PDZRN3: variants seen among roughly 807,000 people sequenced by gnomAD.
PDZRN3 encodes E3 ubiquitin-protein ligase PDZRN3.
A neutral mutation model predicts 85.7 loss-of-function variants in PDZRN3; 38 were observed. That is an observed-to-expected ratio of 0.44 (90% CI 0.34 to 0.58). The LOEUF (loss-of-function observed/expected upper bound fraction) is 0.58. PDZRN3 is among the 20% of genes least tolerant of loss of function. The probability of loss-of-function intolerance (pLI) is 0.01; values close to 1 mark genes in which losing one functional copy is unlikely to be tolerated. For missense variants in PDZRN3, 1,629 were observed against 1,506.4 expected (o/e 1.08, Z -1.35); for synonymous variants, 759 against 638.0 (o/e 1.19, Z -2.86).
chr3:73,405,561 C>T (rs1701836299), intron 3 of PDZRN3, among the ~76,000 whole-genome samples: 1 of 152,130 alleles, frequency 6.6e-6, no homozygotes, highest in Non-Finnish European at 1.5e-5. Context: ...GAATCATATT[C>T]CATAGGACAC....
At chr3:73,574,179 G>A (rs1702084200) in intron 3 of PDZRN3, among the ~76,000 whole-genome samples, 2 of 152,158 alleles carry the variant, frequency 1.3e-5, no homozygotes, top group Admixed American at 6.5e-5. Context: ...AGCCTACAAA[G>A]GGAAAAAATG....
At chr3:73,563,804 A>G (rs1701887046) in intron 3 of PDZRN3, among the ~76,000 whole-genome samples, 1 of 152,214 alleles carries the variant, frequency 6.6e-6, no homozygotes, top group Non-Finnish European at 1.5e-5. Context: ...TTATCATTCT[A>G]ATTTTGCAAA....
At chr3:73,523,041 GAGA>G (rs1575707475) in intron 3 of PDZRN3, among the ~76,000 whole-genome samples, 2 of 151,966 alleles carry the variant, frequency 1.3e-5, no homozygotes, top group African/African-American at 4.8e-5. Context: ...TTTGTTTTTT[GAGA>G]AGAAGTCTCG....
chr3:73,416,057 GTTTT>G (rs912172505), intron 3 of PDZRN3, among the ~76,000 whole-genome samples: 16 of 151,322 alleles, frequency 1.1e-4, no homozygotes, highest in Admixed American at 5.3e-4. Flanking sequence ...AAGATTAAGG[GTTTT>G]TTTTGTTTGT....
intron 3 of PDZRN3, among the ~76,000 whole-genome samples, chr3:73,477,513 A>AG (rs1193860201): frequency 1.3e-5 from 2 of 152,200 alleles, no homozygotes; most frequent in Admixed American, 1.3e-4. Flanking sequence ...CTGCTTGGTG[A>AG]GGGCTGCTGA....
chr3:73,426,752 T>C (rs2106789645), intron 3 of PDZRN3, among the ~76,000 whole-genome samples: 1 of 152,280 alleles, frequency 6.6e-6, no homozygotes, highest in South Asian at 2.1e-4. Context: ...AACAAATTGC[T>C]GGGCCCCACC....
In PDZRN3 at chr3:73,391,103, T is replaced by C. The variant is rs111707010; in HGVS notation, c.1268A>G (p.Tyr423Cys). ...CAGCTTGTCCTGGCTGTTCATTCTG[T>C]AGAGGTCCACTTCCTAGACAAAGAA... is the stretch of plus-strand genomic sequence containing the variant. The part of the protein sequence containing the change: ...EELELEEVDL[Y>C]RMNSQDKLGL... Residue 423 changes from tyrosine (Y) to cysteine (C), a missense_variant, in exon 6 of 10, where the codon TAC (tyrosine) becomes TGC (cysteine). Transcript: ENST00000263666. 7.7e-4 allele frequency: 1,236 copies of C among 1,612,376 alleles called. 11 individuals carry two copies. The African/African-American group carries it at 0.014, about 18-fold the overall frequency.
At chr3:73,428,966 A>G (rs1464789782) in intron 3 of PDZRN3, among the ~76,000 whole-genome samples, 1 of 152,006 alleles carries the variant, frequency 6.6e-6, no homozygotes, top group African/African-American at 2.4e-5. Context: ...TGGCACCAGC[A>G]TAGTTCACTA....
At chr3:73,503,970 C>A (rs1304687537) in intron 3 of PDZRN3, among the ~76,000 whole-genome samples, 1 of 152,166 alleles carries the variant, frequency 6.6e-6, no homozygotes, top group African/African-American at 2.4e-5. Context: ...AACAGAAACC[C>A]AGCCATGTGA....
At position 73,624,411 on chromosome 3, in the gene PDZRN3, C is replaced by A. The variant is rs1469027500; in HGVS notation, c.415G>T (p.Val139Leu). The A allele has an allele frequency of 7.7e-7, 1 of 1,303,248 alleles. No individual in the cohort carries two copies. The highest frequency in any genetic ancestry group is 9.7e-7 in the Non-Finnish European group (1 of 1,030,992). 80.7% of individuals were successfully genotyped at this position (1,303,248 alleles called of 1,614,324 possible). ...HMRDACDARP[V>L]GRCQEGCGLP... ...CCGCAGCCCTCCTGGCAGCGGCCCA[C>A]TGGCCGCGCGTCGCAGGCGTCGCGC... The change falls in exon 1 of 10, where the codon GTG becomes TTG. Residue 139 changes from valine to leucine, a missense_variant. By Grantham distance (32) the Val-to-Leu change is conservative. Coordinates refer to ENST00000263666, the MANE Select transcript of PDZRN3 (RefSeq NM_015009.3).
At chr3:73,489,575 C>CTTTTTTTTTTTTTCT (rs1703731431) in intron 3 of PDZRN3, among the ~76,000 whole-genome samples, 1 of 80,096 alleles carries the variant, frequency 1.2e-5, no homozygotes, top group Non-Finnish European at 2.3e-5. Context: ...AGTTTCTTTT[C>CTTTTTTTTTTTTTCT]TTTTTTTTTT....
At chr3:73,601,714 G>A (rs938313549) in intron 3 of PDZRN3, among the ~76,000 whole-genome samples, 1 of 152,110 alleles carries the variant, frequency 6.6e-6, no homozygotes, top group Non-Finnish European at 1.5e-5. Flanking sequence ...GTGTTGTCTG[G>A]TGGGGCTGAG....
rs912459523 is a variant in PDZRN3 at position 73,383,852 on chromosome 3, A to G, written c.2714T>C (p.Met905Thr). 2 of 1,613,772 alleles carry G rather than the reference A, an allele frequency of 1.2e-6. No individual in the cohort carries two copies. The highest frequency in any genetic ancestry group is 1.7e-5 in the Admixed American group (1 of 60,020). ...YAQSQMSLVSMCKDLSSPTPS... is the reference protein window; with the variant it reads ...YAQSQMSLVSTCKDLSSPTPS... ...GGTGGGAGAGCTCAGGTCCTTGCACATGCTCACCAGGCTCATCTGGCTTTG... is the reference window on the plus strand; with the variant it reads ...GGTGGGAGAGCTCAGGTCCTTGCACGTGCTCACCAGGCTCATCTGGCTTTG... Residue 905 changes from methionine (M) to threonine (T), a missense_variant, in exon 10 of 10, where the codon ATG (methionine) becomes ACG (threonine). Physicochemically the swap from Met to Thr is moderately conservative, Grantham distance 81. Coordinates refer to ENST00000263666, the MANE Select transcript of PDZRN3 (RefSeq NM_015009.3).
chr3:73,539,886 A>T (rs1704874395), intron 3 of PDZRN3, among the ~76,000 whole-genome samples: 4 of 152,094 alleles, frequency 2.6e-5, no homozygotes, highest in Admixed American at 2.6e-4. Flanking sequence ...AGATTAATTT[A>T]AAAAGCAATC....
intron 3 of PDZRN3, among the ~76,000 whole-genome samples, chr3:73,528,970 G>A (rs1405679767): frequency 6.6e-6 from 1 of 151,644 alleles, no homozygotes. Context: ...CTAACCCAAA[G>A]GTTAGTGGGG....
chr3:73,456,207 TGTGTGTGTGC>T (rs1269462550), intron 3 of PDZRN3, among the ~76,000 whole-genome samples: 7 of 149,886 alleles, frequency 4.7e-5, no homozygotes, highest in African/African-American at 1.5e-4. Flanking sequence ...TGTGTGTGTG[TGTGTGTGTGC>T]GCGCGTGCGC....
intron 3 of PDZRN3, among the ~76,000 whole-genome samples, chr3:73,484,557 T>G (rs901334695): frequency 1.3e-5 from 2 of 152,152 alleles, no homozygotes; most frequent in Non-Finnish European, 2.9e-5. Context: ...AGATAAACTA[T>G]AGCACAGATA....
chr3:73,425,744 T>A (rs1702300970), intron 3 of PDZRN3, among the ~76,000 whole-genome samples: 1 of 152,126 alleles, frequency 6.6e-6, no homozygotes, highest in Non-Finnish European at 1.5e-5. Context: ...AAAATGGTCA[T>A]CCTCAGATAC....
Position 73,390,654 on chromosome 3 carries a change from T to TGAGA in PDZRN3, c.1353+360_1353+363dup, listed in dbSNP as rs1553683085. Reference sequence around the variant, plus strand: ...AAAAAAATGTGTGTGTGTGTGTGTGTGAGAGAGAGAGAGAGAGAGGCTTTA... The same window carrying TGAGA: ...AAAAAAATGTGTGTGTGTGTGTGTGTGAGAGAGAGAGAGAGAGAGAGAGGCTTTA... On this transcript the variant is annotated intron_variant, in intron 6 of 9. Coordinates refer to ENST00000263666, the MANE Select transcript of PDZRN3 (RefSeq NM_015009.3). Among the ~76,000 whole-genome samples, 768 of 140,044 alleles carry TGAGA rather than the reference T, an allele frequency of 5.5e-3. 14 individuals are homozygous for TGAGA. The highest frequency in any genetic ancestry group is 0.02 in the African/African-American group (743 of 37,364). The allele number at this position is 140,044 out of a possible 152,430, so 91.9% of individuals were successfully genotyped here.
Sources: allele counts gnomAD v4.1 joint callset (sites outside exome capture counted in the v4.1 genomes callset), GRCh38; gene constraint gnomAD v4.1.1; transcripts MANE v1.5; gene names NCBI Gene and HGNC (gene_info 2026-07-23, HGNC 2026-07-21).